Variants in NUDT4 observed in about 807,000 individuals in gnomAD.
NUDT4 encodes the protein nudix hydrolase 4, also known as diphosphoinositol polyphosphate phosphohydrolase 2.
Under a neutral mutation model 23.1 loss-of-function variants are expected in NUDT4, and 5 were observed. The observed-to-expected ratio is 0.22, with a 90% confidence interval of 0.11 to 0.46. The LOEUF is 0.46. NUDT4 is among the 20% of genes least tolerant of loss of function. The probability of loss-of-function intolerance (pLI) is 0.99; values close to 1 mark genes in which losing one functional copy is unlikely to be tolerated. For missense variants in NUDT4, 96 were observed against 211.6 expected, an observed-to-expected ratio of 0.45 and a Z score of 3.39; for synonymous variants, 50 against 79.0, an observed-to-expected ratio of 0.63 and a Z score of 1.95.
intron 3 of NUDT4, among the ~76,000 whole-genome samples, chr12:93,396,824 G>A (rs553495984): frequency 7.9e-5 from 12 of 152,228 alleles, no homozygotes; most frequent in East Asian, 7.7e-4. Context: ...GAGGCAGAAT[G>A]GCTTGAACCC....
chr12:93,391,106 G>C (rs1876465221), intron 1 of NUDT4, among the ~76,000 whole-genome samples: 1 of 152,070 alleles, frequency 6.6e-6, no homozygotes, highest in Admixed American at 6.6e-5. Context: ...GCAGCAGGGA[G>C]GGAGCAGGGC....
At position 93,400,325 on chromosome 12, in the gene NUDT4, T is replaced by C. The variant is rs1239529716; in HGVS notation, c.*946T>C. 2 of 151,634 alleles carry C rather than the reference T, an allele frequency of 1.3e-5. No homozygotes were observed. The highest frequency in any genetic ancestry group is 2.1e-4 in the South Asian group (1 of 4,822). 9.4% of individuals were successfully genotyped at this position (151,634 alleles called of 1,614,324 possible). A position where few individuals can be genotyped will look rare whatever the true frequency, so the allele number is the denominator to read the frequency against. On this transcript the variant is annotated 3_prime_UTR_variant, in exon 5 of 5. Coordinates refer to ENST00000415493, the MANE Select transcript of NUDT4 (RefSeq NM_019094.6). Reference sequence around the variant, plus strand: ...CAGTCAGTGATGATCGCATCACAGTTGAGTGAAATGGCCTTCCTGTTCAGC... The same window carrying C: ...CAGTCAGTGATGATCGCATCACAGTCGAGTGAAATGGCCTTCCTGTTCAGC...
chr12:93,387,727 C>T (rs1363601665), intron 1 of NUDT4, among the ~76,000 whole-genome samples: 2 of 152,140 alleles, frequency 1.3e-5, no homozygotes, highest in African/African-American at 2.4e-5. Flanking sequence ...GCATGACAGA[C>T]CCCAGGTGAT....
intron 3 of NUDT4, among the ~76,000 whole-genome samples, chr12:93,396,553 CA>C (rs1327122288): frequency 6.6e-6 from 1 of 152,044 alleles, no homozygotes; most frequent in African/African-American, 2.4e-5. Context: ...CTTAGGAATT[CA>C]GAAAAAATCC....
In NUDT4 at chr12:93,392,666, C is replaced by CTT. The variant is rs71307563; in HGVS notation, c.100-1926_100-1925dup. Among the ~76,000 whole-genome samples, 157 of 76,188 alleles carry CTT rather than the reference C, an allele frequency of 2.1e-3. 3 individuals carry two copies. The highest frequency in any genetic ancestry group is 2.7e-3 in the Non-Finnish European group (111 of 40,448). 50.0% of individuals were successfully genotyped at this position (76,188 alleles called of 152,430 possible). A position where few individuals can be genotyped will look rare whatever the true frequency, so the allele number is the denominator to read the frequency against. On this transcript the variant is annotated intron_variant, in intron 1 of 4. Coordinates refer to ENST00000415493, the MANE Select transcript of NUDT4 (RefSeq NM_019094.6). ...TTTGTAACAATTTGTAGATTTCAGT[C>CTT]TTTTTTTTTTTTTTTTTTCCCCCGA...
chr12:93,396,999 A>G (rs990463313), intron 3 of NUDT4, among the ~76,000 whole-genome samples: 1 of 152,214 alleles, frequency 6.6e-6, no homozygotes, highest in African/African-American at 2.4e-5. Context: ...CAAATAACAC[A>G]TTTGTCAATA....
intron 1 of NUDT4, among the ~76,000 whole-genome samples, chr12:93,382,674 C>CTTTTTTTTTTTTTTTTTTTT (rs11315217): frequency 3.0e-4 from 34 of 111,642 alleles, no homozygotes; most frequent in African/African-American, 5.3e-4. Flanking sequence ...CAAAGGTAGC[C>CTTTTTTTTTTTTTTTTTTTT]TTTTTTTTTT....
At chr12:93,397,713 C>T (rs1478349391) in intron 3 of NUDT4, among the ~76,000 whole-genome samples, 4 of 151,994 alleles carry the variant, frequency 2.6e-5, no homozygotes, top group South Asian at 2.1e-4. Context: ...TTAGTAGAGA[C>T]GGGGTTTCAC....
At chr12:93,380,549 AAGAG>A (rs1273605626) in intron 1 of NUDT4, among the ~76,000 whole-genome samples, 2 of 152,192 alleles carry the variant, frequency 1.3e-5, no homozygotes, top group East Asian at 3.8e-4. Context: ...TTGAGAATTG[AAGAG>A]AGTGAGTCAT....
At chr12:93,390,277 GA>G (rs1200609649) in intron 1 of NUDT4, among the ~76,000 whole-genome samples, 2 of 152,158 alleles carry the variant, frequency 1.3e-5, no homozygotes, top group Admixed American at 6.5e-5. Context: ...CTAGTGACCA[GA>G]AAAAGAGGCC....
intron 3 of NUDT4, among the ~76,000 whole-genome samples, 173 bp downstream of exon 3, chr12:93,395,706 A>T (rs557425942): frequency 4.6e-4 from 70 of 152,114 alleles, no homozygotes; most frequent in African/African-American, 1.7e-3. Flanking sequence ...ATATGCCACC[A>T]CTTTTATTTA....
Position 93,402,637 on chromosome 12 carries a change from T to C in NUDT4, c.*3258T>C, listed in dbSNP as rs561263655. 1 of 152,322 alleles carries C rather than the reference T, an allele frequency of 6.6e-6. No homozygotes were observed. The highest frequency in any genetic ancestry group is 1.9e-4 in the East Asian group (1 of 5,184). 9.4% of individuals were successfully genotyped at this position (152,322 alleles called of 1,614,324 possible). On this transcript the variant is annotated 3_prime_UTR_variant, in exon 5 of 5. Transcript: ENST00000415493. ...CACTAAGATGTCAGTATTCTCCTCA[T>C]GGATATTTTCAGTCTCAATGTTGCC...
In NUDT4 at chr12:93,406,369, T is replaced by A. The variant is rs1877819696; in HGVS notation, c.*6990T>A. On this transcript the variant is annotated 3_prime_UTR_variant, in exon 5 of 5. Coordinates refer to ENST00000415493, the MANE Select transcript of NUDT4 (RefSeq NM_019094.6). ...CTATCATTTCCTCGATCCAATTTAG[T>A]TCCACTTAGGTCACTGTGTTTATAA... 1 of 151,408 alleles carries A rather than the reference T, an allele frequency of 6.6e-6. No individual in the cohort carries two copies. Among genetic ancestry groups the A allele is most frequent in the Non-Finnish European group, 1.5e-5 (1 of 67,922 alleles). 9.4% of individuals were successfully genotyped at this position (151,408 alleles called of 1,614,324 possible).
intron 1 of NUDT4, among the ~76,000 whole-genome samples, chr12:93,382,732 AGTGGCGCGAT>A (rs1235465016): frequency 5.2e-5 from 7 of 135,876 alleles, no homozygotes; most frequent in African/African-American, 2.0e-4. Context: ...GCTGGAGTGC[AGTGGCGCGAT>A]GTCAGCTTAC....
At chr12:93,391,255 C>T (rs1876478429) in intron 1 of NUDT4, among the ~76,000 whole-genome samples, 1 of 151,844 alleles carries the variant, frequency 6.6e-6, no homozygotes, top group Admixed American at 6.6e-5. Context: ...TGGCAAGACC[C>T]CACCTCTACA....
At chr12:93,395,797 T>C (rs1876889824) in intron 3 of NUDT4, among the ~76,000 whole-genome samples, 1 of 152,234 alleles carries the variant, frequency 6.6e-6, no homozygotes, top group Admixed American at 6.5e-5. Context: ...CTTGGCTTAC[T>C]ACAACCTCTG....
At chr12:93,393,090 C>CTTTT (rs143810374) in intron 1 of NUDT4, among the ~76,000 whole-genome samples, 1 of 114,876 alleles carries the variant, frequency 8.7e-6, no homozygotes, top group African/African-American at 3.4e-5. Flanking sequence ...AGATTTCAGT[C>CTTTT]TTTTTTTTTT....
chr12:93,392,697 A>C lies in NUDT4; in HGVS notation c.100-1912A>C, dbSNP rs1359979412. ...TTTTTTTTTTTTTCCCCCGAGATGGAGTCTTGCTCTGTTGCCCAGGCTGGA... is the reference window on the plus strand; with the variant it reads ...TTTTTTTTTTTTTCCCCCGAGATGGCGTCTTGCTCTGTTGCCCAGGCTGGA... On this transcript the variant is annotated intron_variant, in intron 1 of 4. Transcript: ENST00000415493. 1.9e-3 allele frequency among the ~76,000 whole-genome samples: 161 copies of C among 85,774 alleles called. 1 individual carries two copies. The highest frequency in any genetic ancestry group is 7.5e-3 in the African/African-American group (148 of 19,722). The allele number at this position is 85,774 out of a possible 152,430, so 56.3% of individuals were successfully genotyped here.
At chr12:93,391,177 A>T (rs1224543490) in intron 1 of NUDT4, among the ~76,000 whole-genome samples, 1 of 152,098 alleles carries the variant, frequency 6.6e-6, no homozygotes, top group African/African-American at 2.4e-5. Context: ...CTTGCCTGTA[A>T]TCCCAGTTGG....
Sources: allele counts gnomAD v4.1 joint callset (sites outside exome capture counted in the v4.1 genomes callset), GRCh38; gene constraint gnomAD v4.1.1; transcripts MANE v1.5; gene names NCBI Gene and HGNC (gene_info 2026-07-23, HGNC 2026-07-21).